Variants in MIER1 observed in about 807,000 individuals in gnomAD.
MIER1 encodes the protein mesoderm induction early response protein 1.
In MIER1, 40 loss-of-function variants were observed where a neutral mutation model predicts 75.7. The ratio of observed to expected loss-of-function variants is 0.53; its 90% confidence interval spans 0.41 to 0.69. The LOEUF is 0.69. MIER1 is among the 30% of genes least tolerant of loss of function. The probability of loss-of-function intolerance (pLI) is 0.00; values close to 1 mark genes in which losing one functional copy is unlikely to be tolerated. For synonymous variants in MIER1, 213 were observed against 223.4 expected (o/e 0.95, Z 0.42); for missense variants, 574 against 680.2 (o/e 0.84, Z 1.74).
chr1:66,956,438 T>G (rs143363911), intron 4 of MIER1, among the ~76,000 whole-genome samples: 2 of 152,266 alleles, frequency 1.3e-5, no homozygotes, highest in African/African-American at 4.8e-5. Flanking sequence ...GCCTTTTCAT[T>G]ATATTTCTCT....
chr1:66,963,996 T>C (rs1661794198), intron 8 of MIER1, among the ~76,000 whole-genome samples: 1 of 151,996 alleles, frequency 6.6e-6, no homozygotes, highest in Admixed American at 6.6e-5. Flanking sequence ...AAATTTTACA[T>C]GTTTTTTTTT....
intron 3 of MIER1, among the ~76,000 whole-genome samples, chr1:66,945,267 G>GTATATATATA (rs66525570): frequency 2.1e-5 from 3 of 141,928 alleles, no homozygotes; most frequent in Non-Finnish European, 4.6e-5. Context: ...TCTGGTGTGT[G>GTATATATATA]TATATATATA....
intron 2 of MIER1, chr1:66,930,448 G>A: frequency 6.3e-7 from 1 of 1,595,284 alleles, no homozygotes; most frequent in African/African-American, 1.4e-5. Flanking sequence ...GGCGCCCCCG[G>A]CCCTGGGCCG....
intron 7 of MIER1, among the ~76,000 whole-genome samples, chr1:66,962,211 G>C (rs182681491): frequency 6.6e-6 from 1 of 152,278 alleles, no homozygotes; most frequent in East Asian, 1.9e-4. Flanking sequence ...TCTGTGATTT[G>C]ACTGTATAGA....
intron 5 of MIER1, 34 bp downstream of exon 5, chr1:66,958,254 CTTTA>C (rs779197206): frequency 1.3e-5 from 18 of 1,407,592 alleles, no homozygotes; most frequent in Admixed American, 2.2e-5. Flanking sequence ...AGATTGTAGT[CTTTA>C]TTCTTGTTGA....
intron 2 of MIER1, among the ~76,000 whole-genome samples, chr1:66,936,608 A>AC (rs1398292800): frequency 6.6e-6 from 1 of 152,078 alleles, no homozygotes; most frequent in Non-Finnish European, 1.5e-5. Flanking sequence ...CCAGGAAGGT[A>AC]TTGTTAAGAT....
Position 66,972,996 on chromosome 1 carries a change from G to A in MIER1, c.1101+5G>A. ...CATTTGATTCAGGCTAATAAAGTAAGTAATGATAATCTCTTTTTTGCAAAA... is the reference window on the plus strand; with the variant it reads ...CATTTGATTCAGGCTAATAAAGTAAATAATGATAATCTCTTTTTTGCAAAA... On this transcript the variant is annotated splice_donor_5th_base_variant and intron_variant, in intron 11 of 13. Transcript: ENST00000401041. 6.5e-7 allele frequency: 1 copy of A among 1,534,716 alleles called. No individual in the cohort carries two copies. Among genetic ancestry groups the A allele is most frequent in the Non-Finnish European group, 9.0e-7 (1 of 1,110,864 alleles).
At chr1:66,957,050 T>C (rs1021446331) in intron 4 of MIER1, among the ~76,000 whole-genome samples, 35 of 152,198 alleles carry the variant, frequency 2.3e-4, no homozygotes, top group African/African-American at 8.0e-4. Context: ...CTAAACTGAT[T>C]GTTTTCTGAC....
intron 2 of MIER1, chr1:66,930,406 GGA>G: frequency 6.2e-7 from 1 of 1,607,214 alleles, no homozygotes; most frequent in Non-Finnish European, 8.5e-7. Context: ...CGGAGGTAAG[GGA>G]GCGAGCTCCC....
chr1:66,970,790 T>C lies in MIER1; in HGVS notation c.773-18T>C, dbSNP rs752252769. ...CAGTTTTTAGAAATTTGTTTAACAT[T>C]GTCTTTTACTAATTTAGTATATGAA... On this transcript the variant is annotated intron_variant, in intron 8 of 13. Transcript: ENST00000401041. 3 of 1,519,930 alleles carry C rather than the reference T, an allele frequency of 2.0e-6. No individual in the cohort carries two copies. The Admixed American group carries it at 7.2e-5, about 37-fold the overall frequency. 94.2% of individuals were successfully genotyped at this position (1,519,930 alleles called of 1,614,324 possible).
In MIER1 at chr1:66,959,658, TTGG is replaced by T; in HGVS notation, c.635-18_635-16del. ...CAGGATAAGCAGTCATTTTATAGTA[TTGG>T]TGTCTTATTTATTCTAGATAGTGAA... On this transcript the variant is annotated intron_variant, in intron 6 of 13. Coordinates refer to ENST00000401041, the MANE Select transcript of MIER1 (RefSeq NM_001077700.3). The T allele has an allele frequency of 1.7e-6, 2 of 1,161,630 alleles. No homozygotes were observed. The highest frequency in any genetic ancestry group is 2.4e-6 in the Non-Finnish European group (2 of 823,672). 72.0% of individuals were successfully genotyped at this position (1,161,630 alleles called of 1,614,324 possible).
At position 66,952,779 on chromosome 1, in the gene MIER1, C is replaced by T. The variant is rs2985829; in HGVS notation, c.340-5280C>T. On this transcript the variant is annotated intron_variant, in intron 4 of 13. Transcript: ENST00000401041. The stretch of plus-strand genomic sequence containing the variant: ...GCCTCAGCCCCCCTAGTAGCTGGGA[C>T]TACGGGCATGCGCTGCCACACCCAG... 4.4e-3 allele frequency among the ~76,000 whole-genome samples: 676 copies of T among 152,236 alleles called. 5 individuals carry two copies. Among genetic ancestry groups the T allele is most frequent in the African/African-American group, 0.016 (646 of 41,538 alleles).
At chr1:66,980,899 G>C (rs1665746424) in intron 12 of MIER1, among the ~76,000 whole-genome samples, 1 of 152,010 alleles carries the variant, frequency 6.6e-6, no homozygotes. Flanking sequence ...TGCAGTTGTT[G>C]CAGGAAAGCA....
intron 8 of MIER1, among the ~76,000 whole-genome samples, chr1:66,969,164 T>G (rs1385592244): frequency 6.6e-6 from 1 of 152,176 alleles, no homozygotes. Context: ...TGGGCTGTAC[T>G]TTAAACAAAA....
chr1:66,979,660 T>A (rs1665500690), intron 12 of MIER1, among the ~76,000 whole-genome samples: 1 of 152,228 alleles, frequency 6.6e-6, no homozygotes, highest in Non-Finnish European at 1.5e-5. Flanking sequence ...TATTAATCTT[T>A]AGGAAACAAT....
intron 1 of MIER1, 68 bp downstream of exon 1, chr1:66,925,163 G>A (rs1415431781): frequency 1.3e-6 from 2 of 1,508,808 alleles, no homozygotes; most frequent in South Asian, 2.5e-5. Context: ...CTCCTGAGGT[G>A]TCCTCAGTCC....
intron 11 of MIER1, among the ~76,000 whole-genome samples, 161 bp downstream of exon 11, chr1:66,973,152 TC>T (rs1664041787): frequency 6.6e-6 from 1 of 152,106 alleles, no homozygotes; most frequent in Non-Finnish European, 1.5e-5. Context: ...TGCCTATACT[TC>T]CTAACCTATA....
At chr1:66,959,833 TATATTGATAAA>T (rs752706479) in intron 7 of MIER1, 90 bp downstream of exon 7, 5 of 526,196 alleles carry the variant, frequency 9.5e-6, no homozygotes, top group Non-Finnish European at 1.6e-5. Context: ...ACTAACTATG[TATATTGATAAA>T]ATCGATGTAA....
chr1:66,973,624 A>G (rs1374224101), intron 11 of MIER1, among the ~76,000 whole-genome samples: 1 of 152,062 alleles, frequency 6.6e-6, no homozygotes, highest in Non-Finnish European at 1.5e-5. Flanking sequence ...TTGGGGCTTA[A>G]TTCTTATAAC....
Sources: allele counts gnomAD v4.1 joint callset (sites outside exome capture counted in the v4.1 genomes callset), GRCh38; gene constraint gnomAD v4.1.1; transcripts MANE v1.5; gene names NCBI Gene and HGNC (gene_info 2026-07-23, HGNC 2026-07-21).